HNRNPH1: variants seen among roughly 807,000 people sequenced by gnomAD.
HNRNPH1 encodes the protein heterogeneous nuclear ribonucleoprotein H.
A neutral mutation model predicts 58.6 loss-of-function variants in HNRNPH1; 4 were observed. The ratio of observed to expected loss-of-function variants is 0.07; its 90% CI spans 0.03 to 0.16. HNRNPH1 has a LOEUF of 0.16. HNRNPH1 is among the 10% of genes least tolerant of loss of function. The pLI is 1.00. For synonymous variants in HNRNPH1, 192 were observed against 189.2 expected, an observed-to-expected ratio of 1.01 and a Z score of -0.12; for missense variants, 271 against 564.2, an observed-to-expected ratio of 0.48 and a Z score of 5.26.
intron 11 of HNRNPH1, 178 bp from the exon 13 acceptor site, chr5:179,615,773 C>A (rs1769244504): frequency 1.9e-6 from 1 of 517,318 alleles, no homozygotes; most frequent in Non-Finnish European, 3.5e-6. Context: ...TTAATGCTAA[C>A]CAAAAGACAA....
intron 9 of HNRNPH1, 22 bp from the exon 11 acceptor site, chr5:179,616,980 A>C: frequency 6.4e-7 from 1 of 1,569,154 alleles, no homozygotes; most frequent in Non-Finnish European, 8.7e-7. Flanking sequence ...GAAAAGGCAT[A>C]CAAGGTTAGC....
exon 1 of HNRNPH1, chr5:179,624,558 G>GT: frequency 2.5e-6 from 1 of 398,766 alleles, no homozygotes; most frequent in East Asian, 3.6e-5. Flanking sequence ...AGCAGAATTG[G>GT]TAAGAGTGCG....
At chr5:179,617,198 C>G (rs1770202563) in intron 8 of HNRNPH1, 88 bp from the exon 10 acceptor site, 20 of 1,278,958 alleles carry the variant, frequency 1.6e-5, no homozygotes, top group Non-Finnish European at 2.2e-5. Flanking sequence ...ACAAGCAGAT[C>G]TGTGAACTTC....
chr5:179,621,979 A>G (rs1772603043), intron 1 of HNRNPH1: 1 of 456,208 alleles, frequency 2.2e-6, no homozygotes, highest in Non-Finnish European at 4.4e-6. Flanking sequence ...TACCAACGCT[A>G]AATTCAGATA....
At chr5:179,621,453 G>A in intron 1 of HNRNPH1, 56 bp from the exon 3 acceptor site, 2 of 1,464,262 alleles carry the variant, frequency 1.4e-6, no homozygotes, top group South Asian at 1.2e-5. Flanking sequence ...ACCTCTGGGT[G>A]ACACAGATGA....
upstream of HNRNPH1, among the ~76,000 whole-genome samples, chr5:179,625,586 G>A (rs1406736956): frequency 6.7e-6 from 1 of 150,312 alleles, no homozygotes; most frequent in Non-Finnish European, 1.5e-5. Context: ...TTAAACCCAG[G>A]AGGCAGCAGT....
At chr5:179,626,831 A>T (rs1215315528), upstream of HNRNPH1, among the ~76,000 whole-genome samples, 1 of 147,848 alleles carries the variant, frequency 6.8e-6, no homozygotes, top group Non-Finnish European at 1.5e-5. Context: ...GCTGGAGTAC[A>T]ATGGCGCGAT....
chr5:179,615,385 G>C (rs1769029975), intron 12 of HNRNPH1, 161 bp downstream of exon 13: 1 of 512,236 alleles, frequency 2.0e-6, no homozygotes, highest in African/African-American at 2.0e-5. Context: ...ATTCATGGTG[G>C]GCAGGAAGTG....
At chr5:179,619,720 A>C in intron 3 of HNRNPH1, 1 of 186,336 alleles carries the variant, frequency 5.4e-6, no homozygotes, top group Non-Finnish European at 1.1e-5. Flanking sequence ...CAATTCAATT[A>C]AGTTTTAAGC....
At chr5:179,622,331 A>G (rs966563068) in intron 1 of HNRNPH1, among the ~76,000 whole-genome samples, 2 of 152,244 alleles carry the variant, frequency 1.3e-5, no homozygotes, top group South Asian at 2.1e-4. Flanking sequence ...AGATATTGCA[A>G]AACATTACTA....
At chr5:179,623,003 G>A (rs762969492) in intron 1 of HNRNPH1, 34 bp downstream of exon 2, 3 of 998,372 alleles carry the variant, frequency 3.0e-6, no homozygotes, top group Middle Eastern at 2.6e-4. Context: ...CCCCGGCCTC[G>A]AACTCGAACT....
intron 11 of HNRNPH1, chr5:179,615,911 T>C (rs1769324741): frequency 3.8e-6 from 2 of 531,858 alleles, no homozygotes; most frequent in Non-Finnish European, 6.7e-6. Flanking sequence ...TGATTGTTTC[T>C]GAAAATTAGC....
Position 179,617,180 on chromosome 5 carries a change from G to A in HNRNPH1, c.1058-70C>T. On this transcript the variant is annotated intron_variant, in intron 8 of 12. Coordinates refer to ENST00000356731, the Ensembl canonical transcript of HNRNPH1. ...AAAACAGAATAAGCACTTTTATAAA[G>A]TTTTTAAACAAGCAGATCTGTGAAC... is the stretch of plus-strand genomic sequence containing the variant. 7.5e-6 allele frequency: 11 copies of A among 1,462,422 alleles called. No individual in the cohort carries two copies. The South Asian group carries it at 1.2e-4, about 16-fold the overall frequency. 90.6% of individuals were successfully genotyped at this position (1,462,422 alleles called of 1,614,324 possible). A position where few individuals can be genotyped will look rare whatever the true frequency, so the allele number is the denominator to read the frequency against.
upstream of HNRNPH1, among the ~76,000 whole-genome samples, chr5:179,628,587 T>C (rs1169829450): frequency 3.3e-5 from 5 of 152,170 alleles, no homozygotes; most frequent in East Asian, 9.7e-4. Flanking sequence ...CACCTCAGCC[T>C]CCCAAATTGC....
chr5:179,617,323 G>A, intron 8 of HNRNPH1, 191 bp downstream of exon 9: 1 of 735,560 alleles, frequency 1.4e-6, no homozygotes, highest in South Asian at 1.8e-5. Flanking sequence ...ACTTCAAGAT[G>A]TGCATATCAC....
chr5:179,621,424 G>A (rs1417766857), intron 1 of HNRNPH1, 27 bp from the exon 3 acceptor site: 4 of 1,605,444 alleles, frequency 2.5e-6, no homozygotes, highest in East Asian at 4.5e-5. Context: ...CGTTAATACA[G>A]AATTTAAAAC....
chr5:179,614,752 T>C (rs1313556968), exon 13 of HNRNPH1: 9 of 689,576 alleles, frequency 1.3e-5, no homozygotes, highest in African/African-American at 1.1e-4. Context: ...AAGCTTGTAT[T>C]GCAGAAACTG....
intron 8 of HNRNPH1, 82 bp downstream of exon 9, chr5:179,617,432 T>A (rs1274939087): frequency 1.4e-6 from 2 of 1,449,246 alleles, no homozygotes; most frequent in Non-Finnish European, 1.9e-6. Context: ...TTCTCATATA[T>A]CCTTATTTTT....
At chr5:179,624,704 C>T (rs1774192888), upstream of HNRNPH1, 1 of 397,676 alleles carries the variant, frequency 2.5e-6, no homozygotes, top group African/African-American at 2.1e-5. Flanking sequence ...CCTCCCAGGC[C>T]TCCCCATGTC....
Sources: allele counts gnomAD v4.1 joint callset (sites outside exome capture counted in the v4.1 genomes callset), GRCh38; gene constraint gnomAD v4.1.1; transcripts MANE v1.5; gene names NCBI Gene and HGNC (gene_info 2026-07-23, HGNC 2026-07-21).